The following NUDCD3 variants were observed in gnomAD, a reference collection of about 807,000 sequenced individuals.
NUDCD3 encodes NudC domain containing 3, also known as nudC domain-containing protein 3.
Under a neutral mutation model 39.7 loss-of-function variants are expected in NUDCD3, and 13 were observed. That is an observed-to-expected ratio of 0.33 (90% CI 0.21 to 0.52). The LOEUF (loss-of-function observed/expected upper bound fraction) is 0.52. Ranked by LOEUF, NUDCD3 falls within the 20% of genes least tolerant of loss-of-function variation. The probability of loss-of-function intolerance (pLI) is 0.96; values close to 1 mark genes in which losing one functional copy is unlikely to be tolerated. For missense variants in NUDCD3, 453 were observed against 458.1 expected (o/e 0.99, Z 0.10); for synonymous variants, 175 against 172.4 (o/e 1.02, Z -0.12).
chr7:44,436,579 C>T (rs575768132), intron 2 of NUDCD3, among the ~76,000 whole-genome samples: 3 of 152,292 alleles, frequency 2.0e-5, no homozygotes, highest in South Asian at 2.1e-4. Context: ...AGGATCCATG[C>T]TTTGTACTGT....
intron 3 of NUDCD3, among the ~76,000 whole-genome samples, chr7:44,408,242 A>G (rs1452710115): frequency 6.6e-6 from 1 of 152,252 alleles, no homozygotes; most frequent in African/African-American, 2.4e-5. Flanking sequence ...ACAATTCTAC[A>G]TTATATATCA....
chr7:44,391,265 C>T (rs1423702928), intron 5 of NUDCD3, among the ~76,000 whole-genome samples: 1 of 152,194 alleles, frequency 6.6e-6, no homozygotes, highest in East Asian at 1.9e-4. Flanking sequence ...CCTGGTGTGG[C>T]AGGGCCAGGT....
At position 44,490,410 on chromosome 7, in the gene NUDCD3, T is replaced by G. The variant is rs1800712211; in HGVS notation, c.191A>C (p.Gln64Pro). ...AGACCGCAGGCCCGCCCGCCTCACC[T>G]GCAGCACCAAGGCCTGCGCGGCCCC... ...PPGAAQALVL[Q>P]VFKTFDHMAR... is the part of the protein sequence containing the mutation. The change falls in exon 1 of 6, where the codon CAG becomes CCG. Residue 64 changes from glutamine (Q) to proline (P), a missense_variant and splice_region_variant. Coordinates refer to ENST00000355451, the MANE Select transcript of NUDCD3 (RefSeq NM_015332.4). The G allele has an allele frequency of 6.4e-7, 1 of 1,554,852 alleles. No individual in the cohort carries two copies. The highest frequency in any genetic ancestry group is 8.7e-7 in the Non-Finnish European group (1 of 1,151,348).
intron 2 of NUDCD3, among the ~76,000 whole-genome samples, chr7:44,481,842 A>G (rs1197360437): frequency 6.6e-6 from 1 of 152,202 alleles, no homozygotes; most frequent in Non-Finnish European, 1.5e-5. Flanking sequence ...CTCTGCCTTC[A>G]TGACTGGAAT....
At chr7:44,485,357 T>C in intron 1 of NUDCD3, 73 bp from the exon 2 acceptor site, 1 of 1,316,534 alleles carries the variant, frequency 7.6e-7, no homozygotes, top group South Asian at 1.5e-5. Flanking sequence ...AGAAATGTCG[T>C]AAAATCTGTG....
intron 2 of NUDCD3, among the ~76,000 whole-genome samples, chr7:44,464,382 G>A (rs950787523): frequency 7.9e-5 from 12 of 152,158 alleles, no homozygotes; most frequent in Middle Eastern, 3.4e-3. Context: ...CGGCCTCTGG[G>A]TTAGAACACA....
chr7:44,387,317 T>C (rs1489097953), intron 5 of NUDCD3, among the ~76,000 whole-genome samples: 1 of 152,176 alleles, frequency 6.6e-6, no homozygotes, highest in African/African-American at 2.4e-5. Flanking sequence ...CAGTCCACCA[T>C]ACCCAGCTTC....
intron 2 of NUDCD3, among the ~76,000 whole-genome samples, chr7:44,429,575 G>A (rs995842400): frequency 3.3e-5 from 5 of 152,118 alleles, no homozygotes; most frequent in Admixed American, 1.3e-4. Flanking sequence ...CGTTTAAGCC[G>A]GCCATTTTGT....
chr7:44,431,043 T>G (rs1027388606), intron 2 of NUDCD3, among the ~76,000 whole-genome samples: 2 of 152,208 alleles, frequency 1.3e-5, no homozygotes, highest in African/African-American at 4.8e-5. Context: ...CCCTTGCAAG[T>G]TGTTGGGTGC....
intron 2 of NUDCD3, among the ~76,000 whole-genome samples, chr7:44,477,657 T>A (rs753560562): frequency 2.6e-5 from 4 of 152,170 alleles, no homozygotes; most frequent in Admixed American, 2.0e-4. Context: ...TCTTGAGAAA[T>A]GCCTGATTAG....
At chr7:44,389,715 T>C (rs945093271) in intron 5 of NUDCD3, among the ~76,000 whole-genome samples, 3 of 151,786 alleles carry the variant, frequency 2.0e-5, no homozygotes, top group Non-Finnish European at 4.4e-5. Context: ...CGTGCCCCAA[T>C]AGAGGGGTGA....
chr7:44,461,484 G>C (rs189765936), intron 2 of NUDCD3, among the ~76,000 whole-genome samples: 2 of 152,006 alleles, frequency 1.3e-5, no homozygotes, highest in Admixed American at 6.6e-5. Context: ...GTCTCCCTGT[G>C]GGGGGAGGCA....
chr7:44,435,049 T>C (rs6970549), intron 2 of NUDCD3, among the ~76,000 whole-genome samples: 6 of 152,212 alleles, frequency 3.9e-5, no homozygotes, highest in Admixed American at 2.0e-4. Flanking sequence ...TCTGAGACAT[T>C]TGGAGAGAGA....
At chr7:44,390,714 G>A (rs1054497638) in intron 5 of NUDCD3, among the ~76,000 whole-genome samples, 2 of 152,164 alleles carry the variant, frequency 1.3e-5, no homozygotes, top group Non-Finnish European at 2.9e-5. Context: ...GGCACAGAGT[G>A]GGCAGACCCT....
chr7:44,426,552 T>C (rs1200789912), intron 3 of NUDCD3, among the ~76,000 whole-genome samples: 1 of 151,988 alleles, frequency 6.6e-6, no homozygotes, highest in Non-Finnish European at 1.5e-5. Flanking sequence ...ATCCCAGCAC[T>C]TTGGGAGGCC....
At position 44,386,129 on chromosome 7, in the gene NUDCD3, C is replaced by T; in HGVS notation, c.976-8G>A. On this transcript the variant is annotated splice_region_variant and splice_polypyrimidine_tract_variant and intron_variant, in intron 5 of 5. Coordinates refer to ENST00000355451, the MANE Select transcript of NUDCD3 (RefSeq NM_015332.4). ...CAGCATCTCATGGACTTTCTACAAA[C>T]AGAAAATAGAGAGATTAAAGGGGAT... is the stretch of plus-strand genomic sequence containing the variant. The T allele has an allele frequency of 6.2e-7, 1 of 1,614,042 alleles. No individual in the cohort carries two copies. The highest frequency in any genetic ancestry group is 1.1e-5 in the South Asian group (1 of 91,072).
intron 4 of NUDCD3, among the ~76,000 whole-genome samples, chr7:44,396,795 A>G (rs1045744179): frequency 1.3e-5 from 2 of 152,186 alleles, no homozygotes; most frequent in Non-Finnish European, 2.9e-5. Flanking sequence ...ACTGAATGGT[A>G]CAGAGCATAC....
At chr7:44,391,625 C>T (rs778750665) in intron 5 of NUDCD3, among the ~76,000 whole-genome samples, 1 of 152,170 alleles carries the variant, frequency 6.6e-6, no homozygotes, top group Admixed American at 6.5e-5. Context: ...TGCTGTACTG[C>T]GGCCCAAACC....
intron 2 of NUDCD3, among the ~76,000 whole-genome samples, chr7:44,449,472 A>C (rs1799751627): frequency 6.6e-6 from 1 of 152,214 alleles, no homozygotes; most frequent in African/African-American, 2.4e-5. Flanking sequence ...GGTGGAACTG[A>C]AGACAAAGAA....
Sources: gnomAD v4.1 joint callset for allele counts (sites outside exome capture counted in the v4.1 genomes callset) on GRCh38, gnomAD v4.1.1 for gene constraint, MANE v1.5 for transcripts, NCBI Gene and HGNC (gene_info 2026-07-23, HGNC 2026-07-21) for gene names.